The following LHFPL3 variants were observed in gnomAD, a reference collection of about 807,000 sequenced individuals.
LHFPL3 encodes the protein LHFPL tetraspan subfamily member 3 protein.
In LHFPL3, 5 loss-of-function variants were observed where a neutral mutation model predicts 19.3. The ratio of observed to expected loss-of-function variants is 0.26; its 90% CI spans 0.14 to 0.54. The LOEUF is 0.54. Ranked by LOEUF, LHFPL3 falls within the 20% of genes least tolerant of loss-of-function variation. The pLI is 0.94. For missense variants in LHFPL3, 249 were observed against 307.4 expected, an observed-to-expected ratio of 0.81 and a Z score of 1.42; for synonymous variants, 133 against 126.2, an observed-to-expected ratio of 1.05 and a Z score of -0.36.
At chr7:104,383,556 TCTTTCAAGGTGATC>T (rs1331151719) in intron 1 of LHFPL3, among the ~76,000 whole-genome samples, 5 of 152,234 alleles carry the variant, frequency 3.3e-5, no homozygotes, top group Admixed American at 3.3e-4. Flanking sequence ...ACCTGGCTTC[TCTTTCAAGGTGATC>T]CTATAAAGGA....
intron 1 of LHFPL3, among the ~76,000 whole-genome samples, chr7:104,380,736 T>C (rs1376819285): frequency 6.6e-6 from 1 of 152,080 alleles, no homozygotes; most frequent in African/African-American, 2.4e-5. Flanking sequence ...AAAGCATAGA[T>C]GCAAAATCAG....
intron 1 of LHFPL3, among the ~76,000 whole-genome samples, chr7:104,333,061 A>G (rs982870800): frequency 5.9e-5 from 9 of 152,136 alleles, no homozygotes; most frequent in Admixed American, 5.9e-4. Context: ...ATCAGGATAG[A>G]AAGGGAATTT....
chr7:104,708,241 C>A (rs1238257717), intron 1 of LHFPL3, among the ~76,000 whole-genome samples: 7 of 152,160 alleles, frequency 4.6e-5, no homozygotes, highest in Non-Finnish European at 8.8e-5. Context: ...TATGAAGTAT[C>A]CTCATCCAAA....
intron 1 of LHFPL3, among the ~76,000 whole-genome samples, chr7:104,349,246 A>G (rs536765173): frequency 6.6e-6 from 1 of 152,356 alleles, no homozygotes; most frequent in South Asian, 2.1e-4. Flanking sequence ...TTGCAGAGCA[A>G]TAATAAAGTG....
intron 1 of LHFPL3, among the ~76,000 whole-genome samples, chr7:104,370,496 C>T (rs780598531): frequency 2.0e-5 from 3 of 152,050 alleles, no homozygotes; most frequent in Admixed American, 6.5e-5. Flanking sequence ...GCCCCAGCAT[C>T]GAAAAAGAGA....
intron 2 of LHFPL3, among the ~76,000 whole-genome samples, chr7:104,832,923 TAGTC>T (rs1395696416): frequency 3.0e-5 from 4 of 131,932 alleles, no homozygotes; most frequent in Non-Finnish European, 6.2e-5. Flanking sequence ...GTTGGTGTAT[TAGTC>T]AGGGTTCTCT....
chr7:104,655,919 T>C (rs907140269), intron 1 of LHFPL3, among the ~76,000 whole-genome samples: 1 of 152,250 alleles, frequency 6.6e-6, no homozygotes, highest in Non-Finnish European at 1.5e-5. Context: ...ACATTTTGTT[T>C]TTTTCAATGA....
rs182061276 is a variant in LHFPL3, at chr7:104,680,390, C to T, written c.446-56285C>T. Among the ~76,000 whole-genome samples the T allele has an allele frequency of 9.8e-4, 149 of 152,332 alleles. 1 individual carries two copies. Among genetic ancestry groups the T allele is most frequent in the African/African-American group, 3.3e-3 (139 of 41,568 alleles). On this transcript the variant is annotated intron_variant, in intron 1 of 2. Transcript: ENST00000424859. ...CTCCCTGTAACGGGCTTTGTCAGCC[C>T]TCTAGGCTGCAGGAAAAGTGCCAGC...
At chr7:104,865,724 A>C (rs2116647150) in intron 2 of LHFPL3, among the ~76,000 whole-genome samples, 1 of 152,310 alleles carries the variant, frequency 6.6e-6, no homozygotes, top group East Asian at 1.9e-4. Flanking sequence ...AATACAGAGA[A>C]TGCCACAAAG....
chr7:104,491,254 C>T (rs1793344320), intron 1 of LHFPL3, among the ~76,000 whole-genome samples: 1 of 152,106 alleles, frequency 6.6e-6, no homozygotes, highest in African/African-American at 2.4e-5. Flanking sequence ...CTACAGAATA[C>T]ACAACTGGGG....
chr7:104,714,863 G>A (rs1229696212), intron 1 of LHFPL3, among the ~76,000 whole-genome samples: 10 of 152,202 alleles, frequency 6.6e-5, no homozygotes, highest in African/African-American at 2.4e-4. Context: ...ACTGGGTGCA[G>A]AGGGATGCGT....
chr7:104,495,073 ACT>A (rs1793434803), intron 1 of LHFPL3, among the ~76,000 whole-genome samples: 2 of 151,944 alleles, frequency 1.3e-5, no homozygotes, highest in Non-Finnish European at 1.5e-5. Flanking sequence ...CCAATATATC[ACT>A]CTGTTTCCTC....
chr7:104,865,409 C>T (rs527670885), intron 2 of LHFPL3, among the ~76,000 whole-genome samples: 18 of 152,184 alleles, frequency 1.2e-4, no homozygotes, highest in African/African-American at 2.2e-4. Flanking sequence ...AACCAAGGCA[C>T]GAGAACTACA....
At chr7:104,739,866 TAC>T (rs1330579586) in intron 2 of LHFPL3, among the ~76,000 whole-genome samples, 2 of 152,236 alleles carry the variant, frequency 1.3e-5, no homozygotes, top group Non-Finnish European at 2.9e-5. Flanking sequence ...CTGAAAGGGA[TAC>T]ACACTGTAAT....
chr7:104,752,975 A>G (rs1031697211), intron 2 of LHFPL3, among the ~76,000 whole-genome samples: 6 of 152,120 alleles, frequency 3.9e-5, no homozygotes, highest in Non-Finnish European at 7.4e-5. Context: ...ATTATTATCA[A>G]CCAAATATTA....
chr7:104,832,277 AT>A (rs1294246012), intron 2 of LHFPL3, among the ~76,000 whole-genome samples: 1 of 151,972 alleles, frequency 6.6e-6, no homozygotes, highest in Admixed American at 6.5e-5. Flanking sequence ...ATCAGACAAT[AT>A]TAATATCCCT....
intron 1 of LHFPL3, among the ~76,000 whole-genome samples, chr7:104,429,889 A>G (rs1281760708): frequency 1.3e-5 from 2 of 152,064 alleles, no homozygotes; most frequent in South Asian, 2.1e-4. Context: ...GGACATGTGG[A>G]CATGTGGTTT....
At chr7:104,641,304 T>C (rs1315733282) in intron 1 of LHFPL3, among the ~76,000 whole-genome samples, 1 of 152,212 alleles carries the variant, frequency 6.6e-6, no homozygotes, top group Non-Finnish European at 1.5e-5. Flanking sequence ...CTGAGTCAAA[T>C]TAGAATCACA....
intron 1 of LHFPL3, among the ~76,000 whole-genome samples, chr7:104,394,479 T>TA (rs34682575): frequency 1.3e-5 from 2 of 152,216 alleles, no homozygotes; most frequent in Non-Finnish European, 2.9e-5. Context: ...TAGCCATTTC[T>TA]AAAAAAAGTA....
Sources: gnomAD v4.1 joint callset for allele counts (sites outside exome capture counted in the v4.1 genomes callset) on GRCh38, gnomAD v4.1.1 for gene constraint, MANE v1.5 for transcripts, NCBI Gene and HGNC (gene_info 2026-07-23, HGNC 2026-07-21) for gene names.